The following ST18 variants were observed in gnomAD, a reference collection of about 807,000 sequenced individuals.
ST18 encodes the protein suppression of tumorigenicity 18 protein.
Under a neutral mutation model 110.0 loss-of-function variants are expected in ST18, and 50 were observed. The observed-to-expected ratio is 0.45, with a 90% CI of 0.36 to 0.58. ST18 has a LOEUF of 0.58. Among genes scored for constraint, ST18 ranks in the 20% least tolerant of loss-of-function variants. The probability of loss-of-function intolerance (pLI) is 0.00; values close to 1 mark genes in which losing one functional copy is unlikely to be tolerated. For missense variants in ST18, 1,306 were observed against 1,280.1 expected, an observed-to-expected ratio of 1.02 and a Z score of -0.31; for synonymous variants, 461 against 452.4, an observed-to-expected ratio of 1.02 and a Z score of -0.24.
At chr8:52,144,836 GT>G (rs1031810789) in intron 16 of ST18, among the ~76,000 whole-genome samples, 1 of 152,066 alleles carries the variant, frequency 6.6e-6, no homozygotes, top group African/African-American at 2.4e-5. Context: ...ACCTTTCAAA[GT>G]TTTATGCTGT....
chr8:52,127,249 G>T (rs1191743711), intron 22 of ST18, among the ~76,000 whole-genome samples: 3 of 152,036 alleles, frequency 2.0e-5, no homozygotes, highest in Non-Finnish European at 2.9e-5. Flanking sequence ...GAAAATAATA[G>T]ACATATACTA....
At chr8:52,383,237 C>T (rs1403718969) in intron 2 of ST18, among the ~76,000 whole-genome samples, 2 of 152,124 alleles carry the variant, frequency 1.3e-5, no homozygotes, top group East Asian at 1.9e-4. Context: ...GTATGCCTTA[C>T]TGCTAGTCAT....
intron 2 of ST18, among the ~76,000 whole-genome samples, chr8:52,368,104 G>A (rs1479414200): frequency 6.6e-6 from 1 of 151,942 alleles, no homozygotes; most frequent in Non-Finnish European, 1.5e-5. Flanking sequence ...TATTGCAGTG[G>A]CAATCTCTTG....
chr8:52,307,256 T>C (rs922146590), intron 2 of ST18, among the ~76,000 whole-genome samples: 10 of 152,118 alleles, frequency 6.6e-5, no homozygotes, highest in Admixed American at 6.5e-4. Context: ...ATAAAATGAC[T>C]CCCTAAAGTT....
chr8:52,270,582 T>A (rs1004720956), intron 2 of ST18, among the ~76,000 whole-genome samples: 1 of 152,224 alleles, frequency 6.6e-6, no homozygotes, highest in Non-Finnish European at 1.5e-5. Flanking sequence ...TGTGACATGA[T>A]GGATATGAAA....
At chr8:52,200,565 A>G (rs2077623336) in intron 8 of ST18, among the ~76,000 whole-genome samples, 1 of 152,096 alleles carries the variant, frequency 6.6e-6, no homozygotes, top group Non-Finnish European at 1.5e-5. Context: ...GAAAGGGGAA[A>G]CTCATCGAAG....
intron 22 of ST18, among the ~76,000 whole-genome samples, chr8:52,130,163 G>GAAAGAAAGAAAGAA (rs1554586162): frequency 3.0e-4 from 43 of 144,344 alleles, no homozygotes; most frequent in African/African-American, 1.0e-3. Flanking sequence ...AAGAAAGAAA[G>GAAAGAAAGAAAGAA]AAAAAGAAAA....
chr8:52,172,283 T>C lies in ST18; in HGVS notation c.578A>G (p.Glu193Gly). The change falls in exon 10 of 26, where the codon GAA becomes GGA. Residue 193 changes from glutamate (E) to glycine (G), a missense_variant. By Grantham distance (98) the Glu-to-Gly change is moderately conservative (BLOSUM62 -2). Transcript: ENST00000689386. ...QPPFCSSDDN[E>G]SNSESAENGW... Reference sequence around the variant, plus strand: ...ATTTTCTGCACTTTCAGAGTTACTTTCATTGTCATCAGAGGAGCAGAAGGG... The same window carrying C: ...ATTTTCTGCACTTTCAGAGTTACTTCCATTGTCATCAGAGGAGCAGAAGGG... The C allele has an allele frequency of 6.2e-7, 1 of 1,614,210 alleles. No homozygotes were observed. The highest frequency in any genetic ancestry group is 8.5e-7 in the Non-Finnish European group (1 of 1,180,040).
intron 8 of ST18, among the ~76,000 whole-genome samples, chr8:52,183,995 G>T (rs1449002800): frequency 2.0e-5 from 3 of 152,108 alleles, no homozygotes; most frequent in Non-Finnish European, 4.4e-5. Context: ...CATGGAAAAT[G>T]GTCCCTTTTC....
intron 16 of ST18, among the ~76,000 whole-genome samples, chr8:52,146,699 C>T (rs1029883875): frequency 6.6e-6 from 1 of 152,144 alleles, no homozygotes; most frequent in African/African-American, 2.4e-5. Context: ...TTAATACAAT[C>T]TAATTTTTCA....
rs2054680533 is a variant in ST18 at position 52,140,731 on chromosome 8, C to A, written c.2168+2199G>T. Among the ~76,000 whole-genome samples, 3 of 152,038 alleles carry A rather than the reference C, an allele frequency of 2.0e-5. No individual in the cohort carries two copies. The South Asian group carries it at 6.2e-4, about 31-fold the overall frequency. On this transcript the variant is annotated intron_variant, in intron 17 of 25. Coordinates refer to ENST00000689386, the MANE Select transcript of ST18 (RefSeq NM_001352837.2). ...TACCCTCATACCATGGAGAAGTGCC[C>A]TTTGCAAAATAATCATGCTTCATTT...
intron 7 of ST18, 93 bp downstream of exon 7, chr8:52,214,110 T>C (rs895240456): frequency 2.2e-6 from 3 of 1,347,260 alleles, no homozygotes; most frequent in African/African-American, 2.9e-5. Flanking sequence ...GAAGTTGTAA[T>C]CATTCTGACT....
intron 2 of ST18, among the ~76,000 whole-genome samples, chr8:52,250,617 C>T (rs904797009): frequency 5.4e-4 from 81 of 150,820 alleles, no homozygotes; most frequent in African/African-American, 1.9e-3. Context: ...AGCTGTGGGC[C>T]GCAGAGAAAG....
chr8:52,217,036 G>A (rs1303309238), intron 6 of ST18, among the ~76,000 whole-genome samples: 1 of 152,028 alleles, frequency 6.6e-6, no homozygotes, highest in African/African-American at 2.4e-5. Context: ...ACTTCTTATT[G>A]GGAACTTTGT....
At chr8:52,303,915 T>C (rs2095771146) in intron 2 of ST18, among the ~76,000 whole-genome samples, 1 of 152,188 alleles carries the variant, frequency 6.6e-6, no homozygotes, top group African/African-American at 2.4e-5. Context: ...ATGGTGGAAA[T>C]CCAAGGAGTT....
At chr8:52,256,714 T>C (rs908862401) in intron 2 of ST18, among the ~76,000 whole-genome samples, 6 of 152,194 alleles carry the variant, frequency 3.9e-5, no homozygotes, top group African/African-American at 1.4e-4. Context: ...TGGTCAATTT[T>C]TGTGACTTTA....
At chr8:52,149,654 T>C (rs75483521) in intron 16 of ST18, 78 bp downstream of exon 16, 27,912 of 1,515,346 alleles carry the variant, frequency 0.018, 306 homozygotes, top group Middle Eastern at 0.034. Flanking sequence ...ATGTGAAATA[T>C]AATTTAGGAG....
intron 8 of ST18, among the ~76,000 whole-genome samples, chr8:52,197,464 G>A (rs2076520685): frequency 1.3e-5 from 2 of 152,100 alleles, no homozygotes; most frequent in African/African-American, 2.4e-5. Flanking sequence ...GAGCTTCTTT[G>A]TTACTCTGGG....
At chr8:52,149,629 A>G in intron 16 of ST18, 103 bp downstream of exon 16, 1 of 1,433,566 alleles carries the variant, frequency 7.0e-7, no homozygotes, top group South Asian at 1.5e-5. Flanking sequence ...AGAATTATGT[A>G]TTATCTAAAC....
Sources: allele counts gnomAD v4.1 joint callset (sites outside exome capture counted in the v4.1 genomes callset), GRCh38; gene constraint gnomAD v4.1.1; transcripts MANE v1.5; gene names NCBI Gene and HGNC (gene_info 2026-07-23, HGNC 2026-07-21).